The following ST8SIA5 variants were observed in gnomAD, a reference collection of about 807,000 sequenced individuals.
The protein encoded by ST8SIA5 is ST8 alpha-N-acetyl-neuraminide alpha-2,8-sialyltransferase 5.
In ST8SIA5, 24 loss-of-function variants were observed where a neutral mutation model predicts 40.2. The observed-to-expected ratio is 0.60, with a 90% CI of 0.43 to 0.84. ST8SIA5 has a LOEUF of 0.84. Among genes scored for constraint, ST8SIA5 ranks in the 40% least tolerant of loss-of-function variants. The pLI is 0.00. For synonymous variants in ST8SIA5, 198 were observed against 201.8 expected (o/e 0.98, Z 0.16); for missense variants, 465 against 498.5 (o/e 0.93, Z 0.64).
intron 1 of ST8SIA5, among the ~76,000 whole-genome samples, chr18:46,740,499 C>T (rs1010702314): frequency 6.6e-6 from 1 of 151,598 alleles, no homozygotes; most frequent in Non-Finnish European, 1.5e-5. Flanking sequence ...CTAGTTACAA[C>T]AGACATAGAA....
rs527983298 is a variant in ST8SIA5 at position 46,743,966 on chromosome 18, G to C, written c.131+12412C>G. On this transcript the variant is annotated intron_variant, in intron 1 of 6. Coordinates refer to ENST00000315087, the MANE Select transcript of ST8SIA5 (RefSeq NM_013305.6). ...AGAATTTCATATCCAGCCAAACTAAGCTTCATAACTGAAGGAGAAATAAAA... is the reference window on the plus strand; with the variant it reads ...AGAATTTCATATCCAGCCAAACTAACCTTCATAACTGAAGGAGAAATAAAA... 2.0e-5 allele frequency among the ~76,000 whole-genome samples: 3 copies of C among 152,284 alleles called. No individual in the cohort carries two copies. In the South Asian group the frequency reaches 6.2e-4, roughly 32 times the overall value.
chr18:46,688,730 T>C (rs1233462480), intron 4 of ST8SIA5, 45 bp downstream of exon 4: 9 of 1,578,376 alleles, frequency 5.7e-6, no homozygotes, highest in East Asian at 2.2e-5. Context: ...TACTGCTGGA[T>C]TGGCTCCCTC....
At chr18:46,748,555 C>CAAA (rs71162822) in intron 1 of ST8SIA5, among the ~76,000 whole-genome samples, 4,248 of 77,740 alleles carry the variant, frequency 0.055, 332 homozygotes, top group East Asian at 0.28. Context: ...AACTTCCTCT[C>CAAA]AAAAAAAAAA....
At chr18:46,751,524 G>A (rs1458405496) in intron 1 of ST8SIA5, among the ~76,000 whole-genome samples, 3 of 151,990 alleles carry the variant, frequency 2.0e-5, no homozygotes, top group East Asian at 3.9e-4. Flanking sequence ...AGCCTCCTGA[G>A]TAGCTGGGAT....
rs1252461697 is a variant in ST8SIA5 at position 46,680,393 on chromosome 18, G to A, written c.780C>T (p.Arg260=). 1.9e-6 allele frequency: 3 copies of A among 1,613,916 alleles called. No homozygotes were observed. Among genetic ancestry groups the A allele is most frequent in the Non-Finnish European group, 8.5e-7 (1 of 1,179,910 alleles). Residue 260 remains arginine (R), a synonymous_variant, in exon 7 of 7, where the codon CGC becomes CGT. Transcript: ENST00000315087. ...CGAAGTCGTCCAGCACGTACTTGAC[G>A]CGGATGGACACGTCGGTGTTGCGCG... The part of the protein sequence containing the change: ...YNTRNTDVSI[R]VKYVLDDFES...
chr18:46,698,573 C>A (rs2039580019), intron 2 of ST8SIA5, among the ~76,000 whole-genome samples: 1 of 152,204 alleles, frequency 6.6e-6, no homozygotes, highest in Non-Finnish European at 1.5e-5. Flanking sequence ...CCCGTCACAC[C>A]AACAATCAGG....
chr18:46,734,622 G>T (rs2040016995), intron 1 of ST8SIA5, among the ~76,000 whole-genome samples: 2 of 152,188 alleles, frequency 1.3e-5, no homozygotes, highest in African/African-American at 4.8e-5. Context: ...GAACTAGGTA[G>T]GCAGGACTGG....
rs954732261 is a variant in ST8SIA5, at chr18:46,720,989, C to T, written c.132-16325G>A. On this transcript the variant is annotated intron_variant, in intron 1 of 6. Transcript: ENST00000315087. ...AAGCAGGGAACACCCACCTGACACC[C>T]GCTTCTTGATGCCACCCACCCACAC... Among the ~76,000 whole-genome samples the T allele has an allele frequency of 7.9e-5, 12 of 152,172 alleles. No homozygotes were observed. The East Asian group carries it at 2.1e-3, about 27-fold the overall frequency.
chr18:46,698,847 G>C (rs190097914), intron 2 of ST8SIA5, among the ~76,000 whole-genome samples: 37 of 152,324 alleles, frequency 2.4e-4, no homozygotes, highest in African/African-American at 8.7e-4. Context: ...ATGCCTGACC[G>C]ATGGAGAGGC....
intron 1 of ST8SIA5, among the ~76,000 whole-genome samples, chr18:46,717,237 C>G (rs757447244): frequency 6.6e-6 from 1 of 152,202 alleles, no homozygotes; most frequent in Non-Finnish European, 1.5e-5. Context: ...TACCCTCTAT[C>G]CTCCTCTGCC....
intron 1 of ST8SIA5, chr18:46,722,990 A>G (rs2039878160): frequency 6.6e-6 from 1 of 152,272 alleles, no homozygotes; most frequent in South Asian, 2.1e-4. Flanking sequence ...GAACAATGCC[A>G]GTGAGTTCAT....
chr18:46,723,457 C>T (rs192249961), intron 1 of ST8SIA5, among the ~76,000 whole-genome samples: 19 of 152,026 alleles, frequency 1.2e-4, no homozygotes, highest in African/African-American at 3.4e-4. Flanking sequence ...GCGGCTAAGG[C>T]GGGAGAATCC....
In ST8SIA5 at chr18:46,685,909, A is replaced by G. The variant is rs1439908434; in HGVS notation, c.569+265T>C. 3.4e-5 allele frequency: 16 copies of G among 464,964 alleles called. No individual in the cohort carries two copies. The East Asian group carries it at 5.2e-4, about 15-fold the overall frequency. The allele number at this position is 464,964 out of a possible 1,614,324, so 28.8% of individuals were successfully genotyped here. On this transcript the variant is annotated intron_variant, in intron 5 of 6. Transcript: ENST00000315087. ...CTCCCGACACAGCTGCAAGCTCCTA[A>G]GTCCTCAGTGCCTTCAAATCTGTGA...
chr18:46,756,262 G>A, intron 1 of ST8SIA5, 116 bp downstream of exon 1: 2 of 1,430,940 alleles, frequency 1.4e-6, no homozygotes, highest in Non-Finnish European at 1.9e-6. Context: ...GGGGCTAGGA[G>A]CGGACCCCAC....
At chr18:46,728,460 T>C (rs1019959056) in intron 1 of ST8SIA5, among the ~76,000 whole-genome samples, 6 of 152,222 alleles carry the variant, frequency 3.9e-5, no homozygotes, top group African/African-American at 1.4e-4. Context: ...CCCACTCAGA[T>C]GCTGGAATCT....
At chr18:46,741,985 C>T (rs761128194) in intron 1 of ST8SIA5, among the ~76,000 whole-genome samples, 58 of 151,878 alleles carry the variant, frequency 3.8e-4, no homozygotes, top group Non-Finnish European at 6.3e-4. Context: ...GCCTGTAATC[C>T]CAGCTTCTCG....
At chr18:46,719,662 A>G (rs1046225829) in intron 1 of ST8SIA5, among the ~76,000 whole-genome samples, 29 of 30,792 alleles carry the variant, frequency 9.4e-4, no homozygotes, top group African/African-American at 2.0e-3. Flanking sequence ...TCGCCTTTCT[A>G]TCTTTCTCTT....
At chr18:46,716,639 C>T (rs918622230) in intron 1 of ST8SIA5, among the ~76,000 whole-genome samples, 1 of 152,222 alleles carries the variant, frequency 6.6e-6, no homozygotes, top group Non-Finnish European at 1.5e-5. Context: ...TGCAGCTGTG[C>T]CTGGATCTAG....
chr18:46,756,186 C>T (rs1292863021), intron 1 of ST8SIA5, among the ~76,000 whole-genome samples, 192 bp downstream of exon 1: 1 of 152,194 alleles, frequency 6.6e-6, no homozygotes, highest in African/African-American at 2.4e-5. Flanking sequence ...CTCCAGCCAG[C>T]GCTGGGCAGA....
Sources: gnomAD v4.1 joint callset for allele counts (sites outside exome capture counted in the v4.1 genomes callset) on GRCh38, gnomAD v4.1.1 for gene constraint, MANE v1.5 for transcripts, NCBI Gene and HGNC (gene_info 2026-07-23, HGNC 2026-07-21) for gene names.